The following DLG2 variants were observed in gnomAD, a reference collection of about 807,000 sequenced individuals.
The protein encoded by DLG2 is disks large homolog 2.
In DLG2, 45 loss-of-function variants were observed where a neutral mutation model predicts 132.5. The observed-to-expected ratio is 0.34, with a 90% confidence interval of 0.27 to 0.44. DLG2 has a LOEUF of 0.44. Among genes scored for constraint, DLG2 ranks in the 20% least tolerant of loss-of-function variants. DLG2 has a pLI of 1.00. For missense variants in DLG2, 1,045 were observed against 1,196.9 expected, an observed-to-expected ratio of 0.87 and a Z score of 1.87; for synonymous variants, 424 against 419.6, an observed-to-expected ratio of 1.01 and a Z score of -0.13.
chr11:84,154,020 C>T (rs1191576136), intron 9 of DLG2, among the ~76,000 whole-genome samples: 1 of 152,108 alleles, frequency 6.6e-6, no homozygotes, highest in East Asian at 1.9e-4. Context: ...TTTTTTGAGA[C>T]AGAGTCTTGC....
chr11:84,698,335 C>A (rs898706246), intron 6 of DLG2, among the ~76,000 whole-genome samples: 7 of 151,434 alleles, frequency 4.6e-5, no homozygotes, highest in African/African-American at 1.5e-4. Context: ...AGGTACTTTA[C>A]AAGTATTAGT....
At chr11:84,013,948 C>A (rs930414357) in intron 11 of DLG2, among the ~76,000 whole-genome samples, 3 of 148,988 alleles carry the variant, frequency 2.0e-5, no homozygotes, top group Non-Finnish European at 4.5e-5. Context: ...ACTGTCTTGA[C>A]TGGACCTGGA....
intron 7 of DLG2, among the ~76,000 whole-genome samples, chr11:84,269,694 C>A (rs78581181): frequency 3.3e-5 from 5 of 152,264 alleles, no homozygotes; most frequent in Admixed American, 3.3e-4. Flanking sequence ...GATGAATGAA[C>A]GAATGAATTA....
At chr11:84,955,990 T>C (rs1470804350) in intron 6 of DLG2, among the ~76,000 whole-genome samples, 1 of 152,170 alleles carries the variant, frequency 6.6e-6, no homozygotes, top group Non-Finnish European at 1.5e-5. Flanking sequence ...GCTTAGCAGA[T>C]AATGGGAAGC....
At chr11:84,107,076 G>A (rs1411049569) in intron 9 of DLG2, among the ~76,000 whole-genome samples, 1 of 151,170 alleles carries the variant, frequency 6.6e-6, no homozygotes, top group African/African-American at 2.4e-5. Flanking sequence ...AAAAAGCAGA[G>A]GAAAGATTTT....
At chr11:83,759,283 GT>G (rs1277316582) in intron 18 of DLG2, among the ~76,000 whole-genome samples, 1 of 152,174 alleles carries the variant, frequency 6.6e-6, no homozygotes, top group African/African-American at 2.4e-5. Context: ...AAAATAAGAG[GT>G]GAGACAGGGA....
At chr11:84,198,490 GTTGTGGGGAAGC>G (rs2096551564) in intron 8 of DLG2, among the ~76,000 whole-genome samples, 1 of 152,008 alleles carries the variant, frequency 6.6e-6, no homozygotes, top group Non-Finnish European at 1.5e-5. Flanking sequence ...GTTTATTTTT[GTTGTGGGGAAGC>G]ACAAGGAAAT....
chr11:83,576,862 T>A (rs1308972883), intron 19 of DLG2, among the ~76,000 whole-genome samples: 1 of 152,200 alleles, frequency 6.6e-6, no homozygotes, highest in Non-Finnish European at 1.5e-5. Context: ...GAATGGTAAC[T>A]ATGTGGATGA....
At chr11:84,868,163 ATAT>A (rs555648240) in intron 6 of DLG2, among the ~76,000 whole-genome samples, 1,646 of 147,552 alleles carry the variant, frequency 0.011, 31 homozygotes, top group African/African-American at 0.034. Flanking sequence ...TTAATATATT[ATAT>A]TATTATTATT....
intron 6 of DLG2, among the ~76,000 whole-genome samples, chr11:85,007,551 A>G (rs1163505493): frequency 6.6e-6 from 1 of 151,422 alleles, no homozygotes; most frequent in East Asian, 1.9e-4. Context: ...CTGTAGTCCC[A>G]GCTACTCGGG....
intron 3 of DLG2, among the ~76,000 whole-genome samples, chr11:85,423,490 C>CCCAG (rs1485738222): frequency 2.6e-5 from 4 of 152,186 alleles, no homozygotes; most frequent in Admixed American, 2.6e-4. Flanking sequence ...CCATAGAACT[C>CCCAG]CCAGGAATAT....
rs10566177 is a variant in DLG2, at chr11:83,825,171, ATTTTTTTTTT to A, written c.1722+8433_1722+8442del. On this transcript the variant is annotated intron_variant, in intron 17 of 27. Coordinates refer to ENST00000376104, the MANE Select transcript of DLG2 (RefSeq NM_001142699.3). ...CACACACATATATATATATATATATATTTTTTTTTTTTTTTTTTTTTTTTTTTGAGATGGA... is the reference window on the plus strand; with the variant it reads ...CACACACATATATATATATATATATATTTTTTTTTTTTTTTTTGAGATGGA... 6.6e-3 allele frequency among the ~76,000 whole-genome samples: 481 copies of A among 72,598 alleles called. 5 individuals are homozygous for A. Among genetic ancestry groups the A allele is most frequent in the African/African-American group, 0.02 (403 of 19,856 alleles). The allele number at this position is 72,598 out of a possible 152,430, so 47.6% of individuals were successfully genotyped here.
chr11:84,599,373 T>A (rs1331123947), intron 6 of DLG2, among the ~76,000 whole-genome samples: 1 of 152,192 alleles, frequency 6.6e-6, no homozygotes, highest in Admixed American at 6.5e-5. Flanking sequence ...TACTTCTGCT[T>A]TCACAGTACA....
At chr11:83,690,068 T>A (rs944719765) in intron 18 of DLG2, among the ~76,000 whole-genome samples, 1 of 147,676 alleles carries the variant, frequency 6.8e-6, no homozygotes, top group South Asian at 2.1e-4. Flanking sequence ...CATAAAATAT[T>A]ATAAATTATT....
chr11:84,298,072 C>T (rs2098113906), intron 7 of DLG2, among the ~76,000 whole-genome samples: 1 of 152,134 alleles, frequency 6.6e-6, no homozygotes, highest in African/African-American at 2.4e-5. Flanking sequence ...TAGCACACCC[C>T]TGTCTGAAGT....
At chr11:84,330,757 T>C (rs919746412) in intron 7 of DLG2, among the ~76,000 whole-genome samples, 1 of 152,186 alleles carries the variant, frequency 6.6e-6, no homozygotes, top group Non-Finnish European at 1.5e-5. Flanking sequence ...AATTCAAACC[T>C]CAGTGTTCAG....
intron 15 of DLG2, among the ~76,000 whole-genome samples, chr11:83,927,905 G>A (rs1353588673): frequency 6.8e-6 from 1 of 146,914 alleles, no homozygotes; most frequent in African/African-American, 2.7e-5. Flanking sequence ...AGATATGAGG[G>A]AAAACATAGT....
chr11:85,281,791 C>T (rs993841043), intron 4 of DLG2, among the ~76,000 whole-genome samples: 60 of 151,974 alleles, frequency 3.9e-4, no homozygotes, highest in African/African-American at 1.3e-3. Context: ...CTATAGAGAA[C>T]GGTATGGAGG....
intron 7 of DLG2, among the ~76,000 whole-genome samples, chr11:84,502,336 T>C (rs1371642241): frequency 1.3e-4 from 4 of 29,722 alleles, no homozygotes; most frequent in Admixed American, 7.2e-4. Flanking sequence ...CTTTCTTTCT[T>C]TCTTTCTTTC....
Sources: gnomAD v4.1 joint callset for allele counts (sites outside exome capture counted in the v4.1 genomes callset) on GRCh38, gnomAD v4.1.1 for gene constraint, MANE v1.5 for transcripts, NCBI Gene and HGNC (gene_info 2026-07-23, HGNC 2026-07-21) for gene names.